RPA3: variants seen among roughly 807,000 people sequenced by gnomAD.
The protein encoded by RPA3 is replication protein A 14 kDa subunit.
Under a neutral mutation model 13.7 loss-of-function variants are expected in RPA3, and 24 were observed. The observed-to-expected ratio is 1.75, with a 90% CI of 1.27 to 2.46. The LOEUF (loss-of-function observed/expected upper bound fraction) is 2.46, where lower values mean the gene tolerates loss of function less well. RPA3 is among the 30% of genes most tolerant of loss of function. The pLI is 0.00. For synonymous variants in RPA3, 59 were observed against 51.2 expected (o/e 1.15, Z -0.65); for missense variants, 183 against 151.0 (o/e 1.21, Z -1.11).
chr7:7,716,590 A>C lies in RPA3; in HGVS notation c.-1079-1364T>G, dbSNP rs186013517. Among the ~76,000 whole-genome samples, 41 of 152,330 alleles carry C rather than the reference A, an allele frequency of 2.7e-4. No homozygotes were observed. The South Asian group carries it at 5.0e-3, about 18-fold the overall frequency. ...TTTCTTTGTCACCACGTGCACAGTA[A>C]AGAGGCAGGCAACATGGTGCTGGCC... is the stretch of plus-strand genomic sequence containing the variant. On this transcript the variant is annotated intron_variant, in intron 1 of 7. Coordinates refer to ENST00000223129, the MANE Select transcript of RPA3 (RefSeq NM_002947.5).
chr7:7,657,739 G>A (rs1785377154), intron 4 of RPA3, among the ~76,000 whole-genome samples: 1 of 152,144 alleles, frequency 6.6e-6, no homozygotes, highest in Non-Finnish European at 1.5e-5. Context: ...TTGAAGTCAG[G>A]TAGTGTGATG....
intron 4 of RPA3, among the ~76,000 whole-genome samples, chr7:7,669,795 A>G (rs1191147752): frequency 1.3e-5 from 2 of 152,136 alleles, no homozygotes; most frequent in Non-Finnish European, 2.9e-5. Flanking sequence ...AACTGTCTGA[A>G]ATTATCCAAA....
intron 4 of RPA3, among the ~76,000 whole-genome samples, chr7:7,663,322 A>G (rs1306603787): frequency 2.0e-5 from 3 of 149,360 alleles, no homozygotes; most frequent in East Asian, 2.0e-4. Context: ...AAGTCTGAGC[A>G]TAAATAAGAG....
intron 4 of RPA3, among the ~76,000 whole-genome samples, chr7:7,662,436 G>C (rs2881960): frequency 0.93 from 141,494 of 152,264 alleles, 65,814 homozygotes; most frequent in African/African-American, 0.98. Context: ...ACCCAGGTCC[G>C]TGGTGGCATA....
chr7:7,716,230 A>G (rs1196193759), intron 1 of RPA3, among the ~76,000 whole-genome samples: 1 of 152,192 alleles, frequency 6.6e-6, no homozygotes, highest in Non-Finnish European at 1.5e-5. Flanking sequence ...GTTGTATTGA[A>G]TAACAGCTTG....
intron 2 of RPA3, among the ~76,000 whole-genome samples, chr7:7,689,669 T>C (rs1468233575): frequency 6.6e-6 from 1 of 152,224 alleles, no homozygotes; most frequent in East Asian, 1.9e-4. Flanking sequence ...CTCTTCAGTC[T>C]GTGTCTATAT....
chr7:7,677,130 T>C (rs186302886), intron 4 of RPA3, among the ~76,000 whole-genome samples: 1 of 152,324 alleles, frequency 6.6e-6, no homozygotes, highest in Non-Finnish European at 1.5e-5. Context: ...GGGTCCGTAA[T>C]AGTTGTATAT....
At chr7:7,670,817 G>C (rs899213349) in intron 4 of RPA3, among the ~76,000 whole-genome samples, 2 of 152,208 alleles carry the variant, frequency 1.3e-5, no homozygotes, top group African/African-American at 4.8e-5. Flanking sequence ...GGGAGAGAGA[G>C]AACAGTCAAA....
At chr7:7,678,476 T>G (rs1242899505) in intron 4 of RPA3, among the ~76,000 whole-genome samples, 1 of 142,374 alleles carries the variant, frequency 7.0e-6, no homozygotes, top group African/African-American at 2.6e-5. Flanking sequence ...TATTTATATA[T>G]TTAATTTATA....
chr7:7,643,391 A>G (rs923409479), intron 4 of RPA3, among the ~76,000 whole-genome samples: 11 of 152,222 alleles, frequency 7.2e-5, no homozygotes, highest in Admixed American at 2.0e-4. Context: ...GGAAAGAATC[A>G]TGGGAAATAG....
intron 4 of RPA3, among the ~76,000 whole-genome samples, chr7:7,650,237 G>A (rs1785193616): frequency 6.6e-6 from 1 of 151,970 alleles, no homozygotes; most frequent in South Asian, 2.1e-4. Flanking sequence ...CATTATTATT[G>A]CTTTATGCAG....
At chr7:7,667,282 A>G (rs1022755846) in intron 4 of RPA3, among the ~76,000 whole-genome samples, 1 of 152,198 alleles carries the variant, frequency 6.6e-6, no homozygotes, top group African/African-American at 2.4e-5. Context: ...AAATTTGCTC[A>G]TTGTAGACAA....
chr7:7,659,335 G>T (rs1053457096), intron 4 of RPA3, among the ~76,000 whole-genome samples: 14 of 151,912 alleles, frequency 9.2e-5, no homozygotes, highest in African/African-American at 3.4e-4. Context: ...GTTATTTCTT[G>T]TCTTCTGCTA....
intron 2 of RPA3, among the ~76,000 whole-genome samples, chr7:7,696,092 AC>A (rs1780310340): frequency 6.7e-6 from 1 of 148,262 alleles, no homozygotes. Context: ...TGCAGCCTCT[AC>A]CTCCTGGGTT....
intron 2 of RPA3, among the ~76,000 whole-genome samples, chr7:7,695,981 GTTT>G (rs34880729): frequency 7.6e-6 from 1 of 130,734 alleles, no homozygotes; most frequent in African/African-American, 2.9e-5. Flanking sequence ...GTATATCTCC[GTTT>G]TTTTTTTTTT....
chr7:7,717,374 A>G (rs1311327301), intron 1 of RPA3, among the ~76,000 whole-genome samples: 2 of 152,100 alleles, frequency 1.3e-5, no homozygotes, highest in African/African-American at 2.4e-5. Flanking sequence ...TCTTTCATCT[A>G]TTAAAACTCC....
chr7:7,684,460 C>T lies in RPA3; in HGVS notation c.-758+1370G>A, dbSNP rs142597443. On this transcript the variant is annotated intron_variant, in intron 4 of 7. Transcript: ENST00000223129. ...CTGGCCTTGAGTGATCCACCCCTTTCGGCCTCCCAAAGTGTTGGGATTACT... is the reference window on the plus strand; with the variant it reads ...CTGGCCTTGAGTGATCCACCCCTTTTGGCCTCCCAAAGTGTTGGGATTACT... Among the ~76,000 whole-genome samples, 704 of 152,056 alleles carry T rather than the reference C, an allele frequency of 4.6e-3. 8 individuals carry two copies. Among genetic ancestry groups the T allele is most frequent in the African/African-American group, 0.016 (656 of 41,464 alleles).
intron 4 of RPA3, among the ~76,000 whole-genome samples, chr7:7,652,365 ATATAGT>A (rs2115551402): frequency 6.6e-6 from 1 of 152,280 alleles, no homozygotes; most frequent in South Asian, 2.1e-4. Context: ...TTTTCAGTTG[ATATAGT>A]TATTACCAAT....
intron 4 of RPA3, among the ~76,000 whole-genome samples, chr7:7,662,737 G>A (rs1372362436): frequency 1.3e-5 from 2 of 152,162 alleles, no homozygotes; most frequent in African/African-American, 4.8e-5. Context: ...ACTGGGAACT[G>A]CAGATGGAGC....
Sources: gnomAD v4.1 joint callset for allele counts (sites outside exome capture counted in the v4.1 genomes callset) on GRCh38, gnomAD v4.1.1 for gene constraint, MANE v1.5 for transcripts, NCBI Gene and HGNC (gene_info 2026-07-23, HGNC 2026-07-21) for gene names.